The following XKR6 variants were observed in gnomAD, a reference collection of about 807,000 sequenced individuals.
XKR6 encodes the protein XK related 6, also known as XK-related protein 6.
XKR6 carries 22 observed loss-of-function variants against 56.7 expected under a neutral mutation model. The observed-to-expected ratio is 0.39, with a 90% CI of 0.28 to 0.55. The LOEUF is 0.55. Among genes scored for constraint, XKR6 ranks in the 20% least tolerant of loss-of-function variants. The pLI, the probability that XKR6 is intolerant of heterozygous loss-of-function variation, is 0.66. For missense variants in XKR6, 852 were observed against 889.0 expected, an observed-to-expected ratio of 0.96 and a Z score of 0.53; for synonymous variants, 524 against 387.8, an observed-to-expected ratio of 1.35 and a Z score of -4.13.
chr8:11,111,225 T>C (rs1798875747), intron 1 of XKR6, among the ~76,000 whole-genome samples: 1 of 152,060 alleles, frequency 6.6e-6, no homozygotes, highest in Non-Finnish European at 1.5e-5. Context: ...CTCCCTTCCA[T>C]TCACACTGTC....
intron 1 of XKR6, among the ~76,000 whole-genome samples, chr8:11,078,799 C>T (rs1800340239): frequency 6.6e-6 from 1 of 152,214 alleles, no homozygotes; most frequent in Non-Finnish European, 1.5e-5. Flanking sequence ...CATCCAGCCC[C>T]ACAGGCCTCC....
intron 1 of XKR6, among the ~76,000 whole-genome samples, chr8:11,046,228 C>T (rs61027371): frequency 0.022 from 3,410 of 152,068 alleles, 109 homozygotes; most frequent in African/African-American, 0.071. Flanking sequence ...GTGAAACCCC[C>T]GTCTCTACTA....
Position 11,201,128 on chromosome 8 carries a change from G to A in XKR6, c.212C>T (p.Ser71Phe). The change falls in exon 1 of 3, where the codon TCC becomes TTC. Residue 71 changes from serine to phenylalanine, a missense_variant. Transcript: ENST00000416569. ...GCCCAGGAGGGAGCGCAGGCAGGCG[G>A]AGCGGCAGCCCCAGTAGCACGAGGA... ...NTSSCYWGCR[S>F]ACLRSLLGRK... The A allele has an allele frequency of 6.6e-7, 1 of 1,512,862 alleles. No individual in the cohort carries two copies. The highest frequency in any genetic ancestry group is 1.2e-5 in the South Asian group (1 of 82,682). 93.7% of individuals were successfully genotyped at this position (1,512,862 alleles called of 1,614,324 possible).
chr8:10,900,688 C>A (rs1800010018), intron 2 of XKR6, among the ~76,000 whole-genome samples: 1 of 152,170 alleles, frequency 6.6e-6, no homozygotes, highest in African/African-American at 2.4e-5. Flanking sequence ...TCCTGCCTCA[C>A]TTGTGGTACA....
At chr8:11,064,524 G>T (rs760607879) in intron 1 of XKR6, among the ~76,000 whole-genome samples, 5 of 152,294 alleles carry the variant, frequency 3.3e-5, no homozygotes, top group Non-Finnish European at 7.3e-5. Flanking sequence ...AAAGCATACC[G>T]CAAGAATTGT....
At chr8:10,990,848 G>T (rs1271328628) in intron 1 of XKR6, among the ~76,000 whole-genome samples, 2 of 150,144 alleles carry the variant, frequency 1.3e-5, no homozygotes, top group East Asian at 3.9e-4. Flanking sequence ...CTCCCAAAGT[G>T]GTAGGATTAC....
At chr8:11,077,499 A>G (rs1192221858) in intron 1 of XKR6, among the ~76,000 whole-genome samples, 3 of 152,116 alleles carry the variant, frequency 2.0e-5, no homozygotes, top group African/African-American at 7.2e-5. Flanking sequence ...TCACTCAAGG[A>G]GGAGGGCATG....
chr8:11,140,435 T>A lies in XKR6; in HGVS notation c.764+60141A>T, dbSNP rs1800634368. On this transcript the variant is annotated intron_variant, in intron 1 of 2. Transcript: ENST00000416569. ...ACCACATGACTTACAGAGGGAAATA[T>A]CACTGCACATTTCCAGCAACAGTTT... Among the ~76,000 whole-genome samples the A allele has an allele frequency of 2.0e-5, 3 of 152,146 alleles. No individual in the cohort carries two copies. The South Asian group carries it at 6.2e-4, about 32-fold the overall frequency.
chr8:11,164,240 T>C (rs1367072822), intron 1 of XKR6, among the ~76,000 whole-genome samples: 1 of 152,248 alleles, frequency 6.6e-6, no homozygotes, highest in Non-Finnish European at 1.5e-5. Flanking sequence ...CACAGTTCTC[T>C]GATCCTTTAC....
At chr8:11,129,118 G>T (rs868179580) in intron 1 of XKR6, 1 of 370,726 alleles carries the variant, frequency 2.7e-6, no homozygotes. Flanking sequence ...TCCAACTTTG[G>T]GCTATGATGA....
chr8:11,006,467 C>T (rs536619582), intron 1 of XKR6, among the ~76,000 whole-genome samples: 1 of 152,134 alleles, frequency 6.6e-6, no homozygotes, highest in South Asian at 2.1e-4. Flanking sequence ...GACCAACATA[C>T]TTTTTCTGTC....
intron 1 of XKR6, among the ~76,000 whole-genome samples, chr8:10,940,998 A>T (rs1467471387): frequency 1.3e-5 from 2 of 152,018 alleles, no homozygotes; most frequent in Non-Finnish European, 2.9e-5. Context: ...AGCCACAGTG[A>T]CTCGGCCACC....
rs577000529 is a variant in XKR6, at chr8:10,930,833, A to C, written c.765-6003T>G. On this transcript the variant is annotated intron_variant, in intron 1 of 2. Transcript: ENST00000416569. ...ACTCCCAGTTATCTTCCTTAATGATAAAAGACTGAATGCTTTTGTCTTAAG... is the reference window on the plus strand; with the variant it reads ...ACTCCCAGTTATCTTCCTTAATGATCAAAGACTGAATGCTTTTGTCTTAAG... Among the ~76,000 whole-genome samples, 44 of 152,358 alleles carry C rather than the reference A, an allele frequency of 2.9e-4. No homozygotes were observed. The South Asian group carries it at 8.7e-3, about 30-fold the overall frequency.
intron 1 of XKR6, among the ~76,000 whole-genome samples, chr8:11,041,810 G>A (rs1039608038): frequency 6.6e-6 from 1 of 152,186 alleles, no homozygotes; most frequent in Non-Finnish European, 1.5e-5. Context: ...GGTGGAATAA[G>A]ACATTAAAAA....
intron 2 of XKR6, among the ~76,000 whole-genome samples, chr8:10,917,719 G>C (rs1373698104): frequency 3.3e-5 from 5 of 152,190 alleles, no homozygotes; most frequent in Non-Finnish European, 5.9e-5. Context: ...CAGGGCCAGA[G>C]AGATCTAAGG....
intron 1 of XKR6, among the ~76,000 whole-genome samples, chr8:11,153,884 A>G (rs976884819): frequency 1.8e-4 from 27 of 152,092 alleles, no homozygotes; most frequent in African/African-American, 6.5e-4. Flanking sequence ...TATCATCCCT[A>G]CCACCATTAC....
chr8:11,094,021 T>A (rs907333642), intron 1 of XKR6, among the ~76,000 whole-genome samples: 5 of 151,048 alleles, frequency 3.3e-5, no homozygotes, highest in African/African-American at 9.8e-5. Context: ...CCTGACCTCA[T>A]GATCCACCCG....
At chr8:11,039,977 G>A (rs999885644) in intron 1 of XKR6, among the ~76,000 whole-genome samples, 1 of 152,162 alleles carries the variant, frequency 6.6e-6, no homozygotes, top group African/African-American at 2.4e-5. Context: ...ATGCCACCCG[G>A]CTGGGGTTTC....
chr8:11,175,072 G>A (rs17152970), intron 1 of XKR6: 8,396 of 152,362 alleles, frequency 0.055, 775 homozygotes, highest in African/African-American at 0.19. Flanking sequence ...ACTTGACCCA[G>A]AAAACCCTAC....
Sources: gnomAD v4.1 joint callset for allele counts (sites outside exome capture counted in the v4.1 genomes callset) on GRCh38, gnomAD v4.1.1 for gene constraint, MANE v1.5 for transcripts, NCBI Gene and HGNC (gene_info 2026-07-23, HGNC 2026-07-21) for gene names.